ZBTB47: variants seen among roughly 807,000 people sequenced by gnomAD.
ZBTB47 encodes zinc finger and BTB domain-containing protein 47.
A neutral mutation model predicts 56.6 loss-of-function variants in ZBTB47; 24 were observed. The ratio of observed to expected loss-of-function variants is 0.42; its 90% CI spans 0.31 to 0.60. The LOEUF is 0.60. Among genes scored for constraint, ZBTB47 ranks in the 20% least tolerant of loss-of-function variants. The pLI is 0.14. For missense variants in ZBTB47, 829 were observed against 1,032.6 expected, an observed-to-expected ratio of 0.80 and a Z score of 2.70; for synonymous variants, 414 against 418.9, an observed-to-expected ratio of 0.99 and a Z score of 0.14.
At chr3:42,664,013 G>A (rs1710752774) in intron 5 of ZBTB47, 72 bp downstream of exon 5, 1 of 1,528,388 alleles carries the variant, frequency 6.5e-7, no homozygotes, top group Non-Finnish European at 8.8e-7. Flanking sequence ...CAGGACACCT[G>A]GAATAATCTT....
In ZBTB47 at chr3:42,658,801, C is replaced by A. The variant is rs539181758; in HGVS notation, c.446C>A (p.Pro149Gln). The A allele has an allele frequency of 1.3e-6, 2 of 1,533,730 alleles. No individual in the cohort carries two copies. Among genetic ancestry groups the A allele is most frequent in the East Asian group, 4.9e-5 (2 of 40,854 alleles). ...GACATCAAGCAGGAGGCCGACACCC[C>A]AGGCCTGCCCAAGATCTATGCCCGC... Reference protein sequence around the residue: ...YCDIKQEADTPGLPKIYAREG... With the variant: ...YCDIKQEADTQGLPKIYAREG... Residue 149 changes from proline (P) to glutamine (Q), a missense_variant, in exon 2 of 6, where the codon CCA (proline) becomes CAA (glutamine). By Grantham distance (76) the Pro-to-Gln change is moderately conservative (BLOSUM62 -1). This residue lies in a region of ZBTB47 where 359 missense variants were observed against 359.8 expected (regional missense o/e 1.00). Transcript: ENST00000232974.
Position 42,666,510 on chromosome 3 carries a change from C to A in ZBTB47, c.*1912C>A, listed in dbSNP as rs190499211. Among the ~76,000 whole-genome samples the A allele has an allele frequency of 6.6e-6, 1 of 152,312 alleles. No homozygotes were observed. The highest frequency in any genetic ancestry group is 6.5e-5 in the Admixed American group (1 of 15,304). Reference sequence around the variant, plus strand: ...TTTAATCTCTAGTCCCAGTGCCTGGCAGCTCTTTGGAGCTGGCTCACATTT... The same window carrying A: ...TTTAATCTCTAGTCCCAGTGCCTGGAAGCTCTTTGGAGCTGGCTCACATTT... On this transcript the variant is annotated 3_prime_UTR_variant, in exon 6 of 6. Transcript: ENST00000232974.
At chr3:42,658,251 C>T in intron 1 of ZBTB47, 24 bp from the exon 2 acceptor site, 1 of 1,456,294 alleles carries the variant, frequency 6.9e-7, no homozygotes, top group Admixed American at 2.5e-5. Context: ...CCTTGACCCA[C>T]TCCTGTGCCC....
Position 42,658,913 on chromosome 3 carries a change from G to T in ZBTB47, c.558G>T (p.Gln186His). 6.7e-7 allele frequency: 1 copy of T among 1,501,908 alleles called. No individual in the cohort carries two copies. Among genetic ancestry groups the T allele is most frequent in the Non-Finnish European group, 8.9e-7 (1 of 1,129,400 alleles). The allele number at this position is 1,501,908 out of a possible 1,614,324, so 93.0% of individuals were successfully genotyped here. ...TGCCTGCCACCATTGGGCCAGCCCA[G>T]CCCTTCTTTAAGGAGGAGAAGGAGG... is the stretch of plus-strand genomic sequence containing the variant. ...GTVPATIGPA[Q>H]PFFKEEKEGG... Residue 186 changes from glutamine to histidine, a missense_variant, in exon 2 of 6, where the codon CAG becomes CAT. Coordinates refer to ENST00000232974, the MANE Select transcript of ZBTB47 (RefSeq NM_145166.4).
rs1390580336 is a variant in ZBTB47 at position 42,659,469 on chromosome 3, C to T, written c.1114C>T (p.Pro372Ser). 6.6e-7 allele frequency: 1 copy of T among 1,517,522 alleles called. No homozygotes were observed. Among genetic ancestry groups the T allele is most frequent in the Non-Finnish European group, 8.8e-7 (1 of 1,138,304 alleles). 94.0% of individuals were successfully genotyped at this position (1,517,522 alleles called of 1,614,324 possible). A position where few individuals can be genotyped will look rare whatever the true frequency, so the allele number is the denominator to read the frequency against. ...AAGCCGAAGCAGCCGGGCAGACCCC[C>T]CTCCCCACAGTCACATGGCCACACG... ...RGSRSSRADP[P>S]PHSHMATRSR... The change falls in exon 2 of 6, where the codon CCT becomes TCT. Residue 372 changes from proline (P) to serine (S), a missense_variant. This residue lies in a region of ZBTB47 where 359 missense variants were observed against 359.8 expected (regional missense o/e 1.00). Coordinates refer to ENST00000232974, the MANE Select transcript of ZBTB47 (RefSeq NM_145166.4).
chr3:42,664,360 T>G lies in ZBTB47; in HGVS notation c.2006T>G (p.Phe669Cys), dbSNP rs779299067. ...CCGTGCGACGTGTGTGGCCAGCGCT[T>G]CCGCTTCTCCAACATGCTCAAGGCC... Reference protein sequence around the residue: ...PYPCDVCGQRFRFSNMLKAHK... With the variant: ...PYPCDVCGQRCRFSNMLKAHK... Residue 669 changes from phenylalanine (F) to cysteine (C), a missense_variant, in exon 6 of 6, where the codon TTC becomes TGC. Physicochemically the swap from Phe to Cys is radical, Grantham distance 205. Transcript: ENST00000232974. The G allele has an allele frequency of 6.2e-7, 1 of 1,611,328 alleles. No individual in the cohort carries two copies. Among genetic ancestry groups the G allele is most frequent in the Non-Finnish European group, 8.5e-7 (1 of 1,178,954 alleles).
rs763516106 is a variant in ZBTB47, at chr3:42,654,746, T to C, written c.-82+863T>C. The C allele has an allele frequency of 3.1e-4, 307 of 984,352 alleles. No individual in the cohort carries two copies. Among genetic ancestry groups the C allele is most frequent in the Admixed American group, 6.1e-4 (10 of 16,274 alleles). The allele number at this position is 984,352 out of a possible 1,614,324, so 61.0% of individuals were successfully genotyped here. A position where few individuals can be genotyped will look rare whatever the true frequency, so the allele number is the denominator to read the frequency against. ...CGCTTATCCGCCCACCTGCCAGCTC[T>C]GACCTCCCAGGCACACGGCCCGCGG... On this transcript the variant is annotated intron_variant, in intron 1 of 5. Coordinates refer to ENST00000232974, the MANE Select transcript of ZBTB47 (RefSeq NM_145166.4). This position sits in a 1 kb window ranked among gnomAD's most constrained non-coding sequence, Gnocchi z 5.0.
chr3:42,658,638 T>C lies in ZBTB47; in HGVS notation c.283T>C (p.Leu95=), dbSNP rs1577625796. ...CCACGAGGTGCTCAGCGCCGCCTCATTGCTGCAGATGGCTGACATCGCTGC... is the reference window on the plus strand; with the variant it reads ...CCACGAGGTGCTCAGCGCCGCCTCACTGCTGCAGATGGCTGACATCGCTGC... ...NVHEVLSAAS[L]LQMADIAASC... The change falls in exon 2 of 6, where the codon TTG becomes CTG. Residue 95 remains leucine, a synonymous_variant. Coordinates refer to ENST00000232974, the MANE Select transcript of ZBTB47 (RefSeq NM_145166.4). 2.6e-6 allele frequency: 4 copies of C among 1,536,886 alleles called. No homozygotes were observed. The South Asian group carries it at 3.6e-5, about 14-fold the overall frequency.
At chr3:42,653,266 C>G (rs1391036697), upstream of ZBTB47, among the ~76,000 whole-genome samples, 1 of 152,214 alleles carries the variant, frequency 6.6e-6, no homozygotes, top group East Asian at 1.9e-4. Flanking sequence ...CCTCTGGCAC[C>G]TAGAACCAAG....
At chr3:42,655,765 G>A (rs890438693) in intron 1 of ZBTB47, among the ~76,000 whole-genome samples, 8 of 152,218 alleles carry the variant, frequency 5.3e-5, no homozygotes, top group African/African-American at 1.9e-4. Context: ...CAGCATCTCT[G>A]TGCCCAGTCA....
chr3:42,664,061 C>A, intron 5 of ZBTB47, 120 bp downstream of exon 5: 1 of 1,472,440 alleles, frequency 6.8e-7, no homozygotes, highest in South Asian at 1.4e-5. Flanking sequence ...TCCGTTTACC[C>A]ATGCTTCCTG....
rs1710695611 is a variant in ZBTB47, at chr3:42,660,111, G to C, written c.1473+283G>C. On this transcript the variant is annotated intron_variant, in intron 2 of 5. Coordinates refer to ENST00000232974, the MANE Select transcript of ZBTB47 (RefSeq NM_145166.4). ...TACCCTTGGCCAGAGGGACAAAGGGGACACATGGACTTGGGAGGATGAGAG... is the reference window on the plus strand; with the variant it reads ...TACCCTTGGCCAGAGGGACAAAGGGCACACATGGACTTGGGAGGATGAGAG... 3.9e-5 allele frequency among the ~76,000 whole-genome samples: 6 copies of C among 152,364 alleles called. No homozygotes were observed. In the South Asian group the frequency reaches 1.2e-3, roughly 32 times the overall value.
rs547663042 is a variant in ZBTB47 at position 42,666,862 on chromosome 3, G to A, written c.*2264G>A. Among the ~76,000 whole-genome samples, 14 of 152,316 alleles carry A rather than the reference G, an allele frequency of 9.2e-5. No individual in the cohort carries two copies. In the East Asian group the frequency reaches 1.6e-3, roughly 17 times the overall value. On this transcript the variant is annotated 3_prime_UTR_variant, in exon 6 of 6. Transcript: ENST00000232974. Reference sequence around the variant, plus strand: ...AGACAGCTTGACAGCTGGTCAAGACGGTCACGGGAGCTCTAGGTGGGCACA... The same window carrying A: ...AGACAGCTTGACAGCTGGTCAAGACAGTCACGGGAGCTCTAGGTGGGCACA...
Position 42,663,120 on chromosome 3 carries a change from G to T in ZBTB47, c.1730G>T (p.Arg577Ile), listed in dbSNP as rs751036095. 1 of 1,612,264 alleles carries T rather than the reference G, an allele frequency of 6.2e-7. No individual in the cohort carries two copies. The highest frequency in any genetic ancestry group is 1.3e-5 in the African/African-American group (1 of 74,918). The change falls in exon 4 of 6, where the codon AGA becomes ATA. Residue 577 changes from arginine (R) to isoleucine (I), a missense_variant. Arg to Ile is a moderately conservative substitution (Grantham distance 97). Coordinates refer to ENST00000232974, the MANE Select transcript of ZBTB47 (RefSeq NM_145166.4). The surrounding 1 kb of genome is among the most constrained non-coding windows in gnomAD (Gnocchi z 5.1). ...CAGCACTCAGGGGAGAAGCCGTTCA[G>T]ATGTGAGGTGAGCTTCCATCTCCTG... Reference protein sequence around the residue: ...SLQHSGEKPFRCENCNERFQY... With the variant: ...SLQHSGEKPFICENCNERFQY...
rs1486753631 is a variant in ZBTB47, at chr3:42,664,219, C to G, written c.1883-18C>G. The G allele has an allele frequency of 6.2e-7, 1 of 1,611,894 alleles. No homozygotes were observed. The highest frequency in any genetic ancestry group is 8.5e-7 in the Non-Finnish European group (1 of 1,178,904). On this transcript the variant is annotated intron_variant, in intron 5 of 5. Transcript: ENST00000232974. Reference sequence around the variant, plus strand: ...GCGACCCCTCACTGACGCCCTGCTGCCCACCCCCAACCCCCAGGAGAGAAG... The same window carrying G: ...GCGACCCCTCACTGACGCCCTGCTGGCCACCCCCAACCCCCAGGAGAGAAG...
intron 5 of ZBTB47, 80 bp from the exon 6 acceptor site, chr3:42,664,157 C>A: frequency 6.4e-7 from 1 of 1,568,810 alleles, no homozygotes; most frequent in Non-Finnish European, 8.6e-7. Flanking sequence ...CACTATGGCT[C>A]CATGGGAGAC....
Position 42,659,282 on chromosome 3 carries a change from C to A in ZBTB47, c.927C>A (p.Gly309=). ...AGGAGGAGGAGGAGGAAGAGGGTGGCAGTCAGGGAGAAGAGGAAGAAGAGG... is the reference window on the plus strand; with the variant it reads ...AGGAGGAGGAGGAGGAAGAGGGTGGAAGTCAGGGAGAAGAGGAAGAAGAGG... ...GREEEEEEEG[G]SQGEEEEEEE... The change falls in exon 2 of 6, where the codon GGC becomes GGA. Residue 309 remains glycine (G), a synonymous_variant. Transcript: ENST00000232974. 1 of 1,497,434 alleles carries A rather than the reference C, an allele frequency of 6.7e-7. No homozygotes were observed. The highest frequency in any genetic ancestry group is 9.0e-7 in the Non-Finnish European group (1 of 1,114,710). 92.8% of individuals were successfully genotyped at this position (1,497,434 alleles called of 1,614,324 possible).
chr3:42,664,763 C>A lies in ZBTB47; in HGVS notation c.*165C>A. ...TGAGGCCCCGACGAGGAGGGGTATG[C>A]AGGCTGGCAGGCCCCAGAGCTGGTG... is the stretch of plus-strand genomic sequence containing the variant. On this transcript the variant is annotated 3_prime_UTR_variant, in exon 6 of 6. Coordinates refer to ENST00000232974, the MANE Select transcript of ZBTB47 (RefSeq NM_145166.4). 3 of 743,426 alleles carry A rather than the reference C, an allele frequency of 4.0e-6. No homozygotes were observed. The highest frequency in any genetic ancestry group is 5.6e-6 in the Non-Finnish European group (3 of 532,684). The allele number at this position is 743,426 out of a possible 1,614,324, so 46.1% of individuals were successfully genotyped here. A position where few individuals can be genotyped will look rare whatever the true frequency, so the allele number is the denominator to read the frequency against.
In ZBTB47 at chr3:42,664,783, C is replaced by T. The variant is rs1710765747; in HGVS notation, c.*185C>T. 1.7e-6 allele frequency: 1 copy of T among 571,630 alleles called. No homozygotes were observed. The highest frequency in any genetic ancestry group is 3.5e-5 in the East Asian group (1 of 28,262). 35.4% of individuals were successfully genotyped at this position (571,630 alleles called of 1,614,324 possible). A position where few individuals can be genotyped will look rare whatever the true frequency, so the allele number is the denominator to read the frequency against. Reference sequence around the variant, plus strand: ...GTATGCAGGCTGGCAGGCCCCAGAGCTGGTGGAGGGCATCTCACTCCCAAG... The same window carrying T: ...GTATGCAGGCTGGCAGGCCCCAGAGTTGGTGGAGGGCATCTCACTCCCAAG... On this transcript the variant is annotated 3_prime_UTR_variant, in exon 6 of 6. Coordinates refer to ENST00000232974, the MANE Select transcript of ZBTB47 (RefSeq NM_145166.4).
Sources: allele counts gnomAD v4.1 joint callset (sites outside exome capture counted in the v4.1 genomes callset), GRCh38; gene constraint gnomAD v4.1.1; regional missense constraint gnomAD v4.1.1; non-coding constraint Gnocchi (gnomAD v3.1); transcripts MANE v1.5; gene names NCBI Gene and HGNC (gene_info 2026-07-23, HGNC 2026-07-21).